The following IKBKE variants were observed in gnomAD, a reference collection of about 807,000 sequenced individuals.
IKBKE encodes the protein inhibitor of nuclear factor kappa B kinase subunit epsilon.
IKBKE carries 45 observed loss-of-function variants against 92.1 expected under a neutral mutation model. The observed-to-expected ratio is 0.49, with a 90% CI of 0.38 to 0.63. The LOEUF is 0.63. IKBKE is among the 20% of genes least tolerant of loss of function. IKBKE has a pLI of 0.00. For synonymous variants in IKBKE, 374 were observed against 380.3 expected (o/e 0.98, Z 0.19); for missense variants, 700 against 932.8 (o/e 0.75, Z 3.25).
chr1:206,488,967 A>G (rs567036868), intron 16 of IKBKE, among the ~76,000 whole-genome samples: 1 of 152,110 alleles, frequency 6.6e-6, no homozygotes, highest in Non-Finnish European at 1.5e-5. Flanking sequence ...TTTTTGTGTT[A>G]TCTTCAAAAT....
chr1:206,484,840 C>T (rs897994147), intron 13 of IKBKE, among the ~76,000 whole-genome samples, 157 bp from the exon 14 acceptor site: 2 of 152,166 alleles, frequency 1.3e-5, no homozygotes, highest in South Asian at 2.1e-4. Context: ...GTCAGGATGG[C>T]GCCTCTGTCC....
At chr1:206,492,010 G>A (rs1183203450) in intron 18 of IKBKE, 7 of 383,440 alleles carry the variant, frequency 1.8e-5, no homozygotes, top group African/African-American at 6.2e-5. Flanking sequence ...CTGAGGCTCT[G>A]AGAACAGGTC....
chr1:206,473,823 A>T (rs781800538), intron 3 of IKBKE, among the ~76,000 whole-genome samples: 1 of 151,972 alleles, frequency 6.6e-6, no homozygotes, highest in South Asian at 2.1e-4. Flanking sequence ...TTAGCTGGGC[A>T]TGGTGGCGTG....
rs569838915 is a variant in IKBKE, at chr1:206,478,856, C to T, written c.993-87C>T. 142 of 1,040,950 alleles carry T rather than the reference C, an allele frequency of 1.4e-4. No homozygotes were observed. Among genetic ancestry groups the T allele is most frequent in the African/African-American group, 2.0e-4 (13 of 64,178 alleles). 64.5% of individuals were successfully genotyped at this position (1,040,950 alleles called of 1,614,324 possible). ...AAAACAGAGCCCTGTCTATGGGCAA[C>T]GCTTAGCTGGGGCTTAGGTCACCCT... On this transcript the variant is annotated intron_variant, in intron 9 of 21. Transcript: ENST00000581977. The surrounding 1 kb of genome is among the most constrained non-coding windows in gnomAD (Gnocchi z 4.8).
At chr1:206,491,439 T>A in intron 17 of IKBKE, 1 of 488,046 alleles carries the variant, frequency 2.0e-6, no homozygotes, top group Non-Finnish European at 3.8e-6. Flanking sequence ...GTCTCCCTGT[T>A]GATGTGGGCT....
chr1:206,491,814 C>A (rs1553390498), intron 18 of IKBKE, 65 bp downstream of exon 18: 2 of 1,203,736 alleles, frequency 1.7e-6, no homozygotes, highest in African/African-American at 3.0e-5. Context: ...CTTCAGAGGA[C>A]CCAGGGCTTT....
In IKBKE at chr1:206,478,449, A is replaced by T; in HGVS notation, c.992+110A>T. 2.7e-6 allele frequency: 3 copies of T among 1,126,116 alleles called. No homozygotes were observed. The South Asian group carries it at 4.1e-5, about 15-fold the overall frequency. 69.8% of individuals were successfully genotyped at this position (1,126,116 alleles called of 1,614,324 possible). ...CGTTCTGAGGAGTGTGTACATAGGA[A>T]CGCTTCCAGGTCCAAACGTAGTTGG... On this transcript the variant is annotated intron_variant, in intron 9 of 21. Coordinates refer to ENST00000581977, the MANE Select transcript of IKBKE (RefSeq NM_014002.4). This position sits in a 1 kb window ranked among gnomAD's most constrained non-coding sequence, Gnocchi z 4.8.
intron 21 of IKBKE, among the ~76,000 whole-genome samples, chr1:206,495,773 G>T (rs547454747): frequency 1.3e-5 from 2 of 152,192 alleles, no homozygotes; most frequent in African/African-American, 2.4e-5. Flanking sequence ...TGTAGCCAAA[G>T]AGCCAAATGA....
chr1:206,489,049 A>AAT (rs1288812856), intron 16 of IKBKE, among the ~76,000 whole-genome samples: 4 of 151,528 alleles, frequency 2.6e-5, no homozygotes, highest in African/African-American at 7.3e-5. Flanking sequence ...ATTACATGCT[A>AAT]ATATATATAT....
chr1:206,470,821 GC>G (rs1308924152), intron 1 of IKBKE, 123 bp downstream of exon 1: 4 of 152,272 alleles, frequency 2.6e-5, no homozygotes, highest in African/African-American at 7.2e-5. Context: ...CTCACATAGA[GC>G]GTTGTGTGTG....
At chr1:206,480,388 C>T in intron 12 of IKBKE, 59 bp from the exon 13 acceptor site, 5 of 1,372,676 alleles carry the variant, frequency 3.6e-6, no homozygotes, top group Admixed American at 3.4e-5. Context: ...ATGCTGTCTG[C>T]ATGCACGGTG....
At chr1:206,492,517 T>C (rs782537546) in intron 18 of IKBKE, 5 of 471,244 alleles carry the variant, frequency 1.1e-5, no homozygotes, top group South Asian at 4.6e-5. Flanking sequence ...TGGATGTCAG[T>C]GTAGTACAGC....
chr1:206,472,591 A>T (rs12731314), intron 2 of IKBKE, among the ~76,000 whole-genome samples: 275 of 150,158 alleles, frequency 1.8e-3, no homozygotes, highest in African/African-American at 4.8e-3. Flanking sequence ...ACACTCTCAC[A>T]CACACACACA....
In IKBKE at chr1:206,493,303, G is replaced by A. The variant is rs782318549; in HGVS notation, c.1970G>A (p.Arg657Gln). 1.1e-5 allele frequency: 17 copies of A among 1,613,896 alleles called. No homozygotes were observed. The highest frequency in any genetic ancestry group is 1.3e-5 in the African/African-American group (1 of 74,906). The change falls in exon 20 of 22, where the codon CGA (arginine) becomes CAA (glutamine). Residue 657 changes from arginine (R) to glutamine (Q), a missense_variant. Transcript: ENST00000581977. ...CTATCTCACCAGCTCCTTCAGGACC[G>A]AGCAAAGGGGGCTCAGGCCTCGCCG... The part of the protein sequence containing the change: ...EELSHQLLQD[R>Q]AKGAQASPPP...
intron 13 of IKBKE, among the ~76,000 whole-genome samples, chr1:206,481,938 C>T (rs1553387199): frequency 6.6e-6 from 1 of 151,720 alleles, no homozygotes; most frequent in African/African-American, 2.4e-5. Context: ...CGCCACTACG[C>T]CCGGCTAATT....
chr1:206,491,763 C>T lies in IKBKE; in HGVS notation c.1835+14C>T. ...CAAGAGGATGAGGTAACAGCCCCTC[C>T]TGAGCTCCTGGAGCCCAGGGCCTGG... is the stretch of plus-strand genomic sequence containing the variant. On this transcript the variant is annotated intron_variant, in intron 18 of 21. Coordinates refer to ENST00000581977, the MANE Select transcript of IKBKE (RefSeq NM_014002.4). 6.3e-7 allele frequency: 1 copy of T among 1,598,008 alleles called. No homozygotes were observed.
chr1:206,486,103 C>T (rs371494893), intron 15 of IKBKE, among the ~76,000 whole-genome samples: 4 of 152,338 alleles, frequency 2.6e-5, no homozygotes, highest in East Asian at 1.9e-4. Flanking sequence ...TGACCTAAAT[C>T]GAATGAGGCT....
chr1:206,492,911 C>A, intron 18 of IKBKE, 112 bp from the exon 19 acceptor site: 1 of 907,146 alleles, frequency 1.1e-6, no homozygotes, highest in Non-Finnish European at 1.8e-6. Context: ...GCGAGGGAGG[C>A]AAATACCCGG....
chr1:206,480,123 C>T lies in IKBKE; in HGVS notation c.1340+10C>T, dbSNP rs1665293002. The T allele has an allele frequency of 6.4e-7, 1 of 1,551,650 alleles. No individual in the cohort carries two copies. The highest frequency in any genetic ancestry group is 1.4e-5 in the African/African-American group (1 of 71,084). On this transcript the variant is annotated intron_variant, in intron 12 of 21. Coordinates refer to ENST00000581977, the MANE Select transcript of IKBKE (RefSeq NM_014002.4). ...GGCTGCACTGGGTCATGTGAGTAAT[C>T]ATGAGGGCTGGGCACAGAGGGGGAG...
Sources: gnomAD v4.1 joint callset for allele counts (sites outside exome capture counted in the v4.1 genomes callset) on GRCh38, gnomAD v4.1.1 for gene constraint, Gnocchi (gnomAD v3.1) non-coding constraint, MANE v1.5 for transcripts, NCBI Gene and HGNC (gene_info 2026-07-23, HGNC 2026-07-21) for gene names.